CSGALNACT1: variants seen among roughly 807,000 people sequenced by gnomAD.
CSGALNACT1 encodes chondroitin sulfate N-acetylgalactosaminyltransferase 1.
In CSGALNACT1, 52 loss-of-function variants were observed where a neutral mutation model predicts 51.0. The observed-to-expected ratio is 1.02, with a 90% CI of 0.82 to 1.29. The LOEUF is 1.29. CSGALNACT1 is among the 50% of genes most tolerant of loss of function. The pLI is 0.00. For synonymous variants in CSGALNACT1, 341 were observed against 254.4 expected, an observed-to-expected ratio of 1.34 and a Z score of -3.24; for missense variants, 935 against 679.2, an observed-to-expected ratio of 1.38 and a Z score of -4.19.
At chr8:19,728,154 T>A (rs986070927) in intron 1 of CSGALNACT1, among the ~76,000 whole-genome samples, 3 of 152,172 alleles carry the variant, frequency 2.0e-5, no homozygotes, top group Non-Finnish European at 4.4e-5. Flanking sequence ...GGTGCCTCCG[T>A]TTCCTCATCT....
intron 1 of CSGALNACT1, among the ~76,000 whole-genome samples, chr8:19,734,980 C>A (rs1212246400): frequency 2.0e-5 from 3 of 151,938 alleles, no homozygotes; most frequent in Non-Finnish European, 2.9e-5. Context: ...TAAGAAAGAT[C>A]AGGTTTGATC....
chr8:19,534,299 C>T (rs557663777), intron 3 of CSGALNACT1, among the ~76,000 whole-genome samples: 4 of 152,024 alleles, frequency 2.6e-5, no homozygotes, highest in Non-Finnish European at 5.9e-5. Context: ...CAAAAAAATA[C>T]AGAAATTAGC....
At chr8:19,435,085 G>C (rs2060177778) in intron 6 of CSGALNACT1, among the ~76,000 whole-genome samples, 2 of 152,186 alleles carry the variant, frequency 1.3e-5, no homozygotes, top group African/African-American at 4.8e-5. Flanking sequence ...CAATCTCAGA[G>C]ATGATTCCTC....
intron 1 of CSGALNACT1, among the ~76,000 whole-genome samples, chr8:19,701,080 G>A (rs981120095): frequency 6.6e-6 from 1 of 151,178 alleles, no homozygotes. Flanking sequence ...CAGAAATGAT[G>A]GCTGGAGCTG....
At chr8:19,682,481 G>C (rs976196101) in exon 1 of CSGALNACT1, 2 of 350,476 alleles carry the variant, frequency 5.7e-6, no homozygotes, top group African/African-American at 2.1e-5. Flanking sequence ...ACCCACACAC[G>C]AGATCAAAAA....
intron 1 of CSGALNACT1, among the ~76,000 whole-genome samples, chr8:19,624,177 TATCTACC>T (rs1244119923): frequency 6.6e-6 from 1 of 152,202 alleles, no homozygotes; most frequent in Non-Finnish European, 1.5e-5. Flanking sequence ...CCTCTGAGAT[TATCTACC>T]ATCTACTACC....
chr8:19,585,587 T>C (rs1271387118), intron 3 of CSGALNACT1, among the ~76,000 whole-genome samples: 2 of 152,280 alleles, frequency 1.3e-5, no homozygotes, highest in African/African-American at 4.8e-5. Flanking sequence ...ATACACCCCT[T>C]TACTATCTCC....
intron 3 of CSGALNACT1, among the ~76,000 whole-genome samples, chr8:19,539,755 GCCAC>G (rs1158740852): frequency 5.9e-5 from 9 of 152,140 alleles, no homozygotes; most frequent in Admixed American, 5.9e-4. Context: ...AAAAATGTTG[GCCAC>G]ATTGACTGTG....
At position 19,485,305 on chromosome 8, in the gene CSGALNACT1, C is replaced by G. The variant is rs2153939593; in HGVS notation, c.634+19896G>C. Among the ~76,000 whole-genome samples the G allele has an allele frequency of 1.3e-5, 2 of 152,252 alleles. 1 individual carries two copies. ...CGACTCTTCTCTTTCTCTTGTTAATCCATTAGTAAACCATGCTGCTCCTAC... is the reference window on the plus strand; with the variant it reads ...CGACTCTTCTCTTTCTCTTGTTAATGCATTAGTAAACCATGCTGCTCCTAC... On this transcript the variant is annotated intron_variant, in intron 4 of 9. Coordinates refer to ENST00000454498, the Ensembl canonical transcript of CSGALNACT1.
chr8:19,666,212 C>A (rs2059161618), intron 1 of CSGALNACT1, among the ~76,000 whole-genome samples: 1 of 152,170 alleles, frequency 6.6e-6, no homozygotes, highest in Non-Finnish European at 1.5e-5. Flanking sequence ...GTTCTTGCCA[C>A]AACTTTCACC....
intron 1 of CSGALNACT1, among the ~76,000 whole-genome samples, chr8:19,607,981 G>C (rs1192246891): frequency 6.7e-6 from 1 of 150,280 alleles, no homozygotes; most frequent in Non-Finnish European, 1.5e-5. Context: ...AGCTTAAAAA[G>C]AGAACTACTA....
At chr8:19,724,951 G>A (rs770804456) in intron 1 of CSGALNACT1, among the ~76,000 whole-genome samples, 5 of 152,122 alleles carry the variant, frequency 3.3e-5, no homozygotes, top group Admixed American at 6.6e-5. Context: ...AGAGAGCTGC[G>A]CCCTCAGCAT....
chr8:19,682,180 T>C lies in CSGALNACT1; in HGVS notation c.-544+293A>G, dbSNP rs112167483. ...GGACCTGATTTTTAGAGAGCTTGACTTAGAACTTGGAAACAGCTACTTAGA... is the reference window on the plus strand; with the variant it reads ...GGACCTGATTTTTAGAGAGCTTGACCTAGAACTTGGAAACAGCTACTTAGA... On this transcript the variant is annotated intron_variant, in intron 1 of 9. Coordinates refer to the CSGALNACT1 transcript ENST00000332246. 3.9e-3 allele frequency among the ~76,000 whole-genome samples: 593 copies of C among 152,202 alleles called. 4 individuals are homozygous for C. Among genetic ancestry groups the C allele is most frequent in the African/African-American group, 0.014 (580 of 41,530 alleles).
intron 2 of CSGALNACT1, among the ~76,000 whole-genome samples, chr8:19,601,442 G>A (rs6997538): frequency 0.14 from 21,516 of 152,168 alleles, 1,813 homozygotes; most frequent in African/African-American, 0.24. Flanking sequence ...CCCTATGTAA[G>A]CGAACTGTTT....
chr8:19,536,263 C>T (rs984727983), intron 3 of CSGALNACT1, among the ~76,000 whole-genome samples: 1 of 152,130 alleles, frequency 6.6e-6, no homozygotes, highest in Non-Finnish European at 1.5e-5. Context: ...GGAGGCTACA[C>T]ATGCGTAAAG....
intron 3 of CSGALNACT1, among the ~76,000 whole-genome samples, chr8:19,532,422 C>T: frequency 6.6e-6 from 1 of 152,130 alleles, no homozygotes; most frequent in East Asian, 1.9e-4. Context: ...TTACAAAAGC[C>T]TTTTATGTCT....
At chr8:19,716,887 C>T (rs2062843766) in intron 1 of CSGALNACT1, among the ~76,000 whole-genome samples, 1 of 152,122 alleles carries the variant, frequency 6.6e-6, no homozygotes, top group Non-Finnish European at 1.5e-5. Context: ...TTGACCTCAT[C>T]CTTTTCTGCA....
intron 1 of CSGALNACT1, among the ~76,000 whole-genome samples, chr8:19,642,179 T>A (rs922262614): frequency 6.6e-6 from 1 of 152,214 alleles, no homozygotes; most frequent in Non-Finnish European, 1.5e-5. Context: ...GACATCTGTG[T>A]TTCCCTTTAG....
intron 3 of CSGALNACT1, among the ~76,000 whole-genome samples, chr8:19,524,028 T>C (rs2081213279): frequency 6.6e-6 from 1 of 152,158 alleles, no homozygotes; most frequent in Non-Finnish European, 1.5e-5. Context: ...GCACAGTAGC[T>C]CACACCTGTA....
Sources: allele counts gnomAD v4.1 joint callset (sites outside exome capture counted in the v4.1 genomes callset), GRCh38; gene constraint gnomAD v4.1.1; transcripts MANE v1.5; gene names NCBI Gene and HGNC (gene_info 2026-07-23, HGNC 2026-07-21).